SLC30A8: variants seen among roughly 807,000 people sequenced by gnomAD.
SLC30A8 encodes the protein solute carrier family 30 member 8.
A neutral mutation model predicts 36.9 loss-of-function variants in SLC30A8; 27 were observed. The observed-to-expected ratio is 0.73, with a 90% CI of 0.54 to 1.01. SLC30A8 has a LOEUF of 1.01. Ranked by LOEUF, SLC30A8 falls within the 50% of genes least tolerant of loss-of-function variation. SLC30A8 has a pLI of 0.00. For synonymous variants in SLC30A8, 164 were observed against 172.4 expected (o/e 0.95, Z 0.38); for missense variants, 439 against 452.0 (o/e 0.97, Z 0.26).
chr8:116,976,741 A>G (rs574137553), intron 1 of SLC30A8, among the ~76,000 whole-genome samples: 3 of 151,840 alleles, frequency 2.0e-5, no homozygotes, highest in East Asian at 1.9e-4. Flanking sequence ...TACAATGACT[A>G]CTTAGCAGGA....
intron 1 of SLC30A8, among the ~76,000 whole-genome samples, chr8:116,982,426 G>A (rs1057274864): frequency 6.6e-6 from 1 of 152,052 alleles, no homozygotes; most frequent in African/African-American, 2.4e-5. Flanking sequence ...AAACAACAGT[G>A]ATATTCCTAC....
intron 1 of SLC30A8, among the ~76,000 whole-genome samples, chr8:116,956,546 A>G (rs758297342): frequency 2.6e-5 from 4 of 152,224 alleles, no homozygotes; most frequent in Non-Finnish European, 4.4e-5. Flanking sequence ...TACAACGAAA[A>G]TACAATTCAT....
chr8:117,133,278 T>G (rs1379096502), upstream of SLC30A8, among the ~76,000 whole-genome samples: 2 of 151,940 alleles, frequency 1.3e-5, no homozygotes, highest in Non-Finnish European at 2.9e-5. Flanking sequence ...TTTCCCATCT[T>G]CACTTTTCCC....
chr8:116,998,435 G>A (rs1815893694), intron 1 of SLC30A8, among the ~76,000 whole-genome samples: 1 of 152,180 alleles, frequency 6.6e-6, no homozygotes, highest in Non-Finnish European at 1.5e-5. Context: ...AAAGTACCAA[G>A]AAACAGCCTT....
intron 1 of SLC30A8, among the ~76,000 whole-genome samples, chr8:116,981,875 C>G (rs908149051): frequency 6.6e-6 from 1 of 152,132 alleles, no homozygotes; most frequent in Admixed American, 6.6e-5. Context: ...CTGTGATGAA[C>G]ATATGTGTGC....
At position 117,019,265 on chromosome 8, in the gene SLC30A8, A is replaced by G. The variant is rs141432039; in HGVS notation, c.-265-19954A>G. On this transcript the variant is annotated intron_variant, in intron 1 of 10. Transcript: ENST00000427715. ...CAACGCATTTTTAAAAACTGAATCA[A>G]TGTATATAACAATGTAAACTAGTGC... is the stretch of plus-strand genomic sequence containing the variant. 7.7e-4 allele frequency among the ~76,000 whole-genome samples: 117 copies of G among 152,350 alleles called. No homozygotes were observed. The East Asian group carries it at 0.022, about 28-fold the overall frequency.
chr8:117,104,383 C>A (rs933308572), intron 2 of SLC30A8, among the ~76,000 whole-genome samples: 6 of 152,168 alleles, frequency 3.9e-5, no homozygotes, highest in African/African-American at 1.4e-4. Flanking sequence ...TACAATTCAG[C>A]CAAGTTTATT....
chr8:117,090,299 A>G (rs902178491), intron 2 of SLC30A8, among the ~76,000 whole-genome samples: 3 of 152,112 alleles, frequency 2.0e-5, no homozygotes, highest in African/African-American at 7.2e-5. Flanking sequence ...TTTATCTACT[A>G]ACTCCTCTAA....
intron 1 of SLC30A8, among the ~76,000 whole-genome samples, chr8:117,035,186 A>C (rs1817174615): frequency 6.6e-6 from 1 of 152,186 alleles, no homozygotes; most frequent in African/African-American, 2.4e-5. Flanking sequence ...TTCAGCATTA[A>C]CCCAAAAGTT....
chr8:117,146,559 T>C (rs1172886997), intron 1 of SLC30A8, among the ~76,000 whole-genome samples: 1 of 152,200 alleles, frequency 6.6e-6, no homozygotes, highest in Non-Finnish European at 1.5e-5. Context: ...CTGGCTCTTA[T>C]ACACATATCG....
intron 2 of SLC30A8, among the ~76,000 whole-genome samples, chr8:117,079,485 G>T (rs73315641): frequency 1.3e-5 from 2 of 151,930 alleles, no homozygotes; most frequent in Admixed American, 1.3e-4. Flanking sequence ...TAGCAGTGAC[G>T]TTTGATTATT....
At position 117,172,682 on chromosome 8, in the gene SLC30A8, C is replaced by A. The variant is rs1220746973; in HGVS notation, c.*1C>A. On this transcript the variant is annotated 3_prime_UTR_variant, in exon 8 of 8. Coordinates refer to ENST00000456015, the MANE Select transcript of SLC30A8 (RefSeq NM_173851.3). ...TTTCTGTGAAGACCCCTGTGACTAG[C>A]TCAGTCACACCGTCAGTTTCCCAAA... is the stretch of plus-strand genomic sequence containing the variant. 19 of 1,613,364 alleles carry A rather than the reference C, an allele frequency of 1.2e-5. No individual in the cohort carries two copies. Among genetic ancestry groups the A allele is most frequent in the Non-Finnish European group, 1.6e-5 (19 of 1,179,520 alleles).
upstream of SLC30A8, among the ~76,000 whole-genome samples, chr8:117,134,383 T>C (rs1442711230): frequency 6.6e-6 from 1 of 152,026 alleles, no homozygotes; most frequent in Non-Finnish European, 1.5e-5. Flanking sequence ...CACAAATGCC[T>C]ACTGTTTGTC....
chr8:116,976,698 G>A (rs1044210397), intron 1 of SLC30A8, among the ~76,000 whole-genome samples: 1 of 152,126 alleles, frequency 6.6e-6, no homozygotes, highest in Non-Finnish European at 1.5e-5. Flanking sequence ...CACAATGTAG[G>A]TTACCTGTTC....
At chr8:117,028,891 A>T (rs1396008428) in intron 1 of SLC30A8, among the ~76,000 whole-genome samples, 2 of 152,144 alleles carry the variant, frequency 1.3e-5, no homozygotes, top group Non-Finnish European at 2.9e-5. Context: ...GCCTCAATTT[A>T]CTAGAAAGAA....
At chr8:117,108,115 T>G (rs1239050047) in intron 2 of SLC30A8, among the ~76,000 whole-genome samples, 1 of 152,188 alleles carries the variant, frequency 6.6e-6, no homozygotes, top group Non-Finnish European at 1.5e-5. Flanking sequence ...TAATCAGCCT[T>G]GGGACACTAC....
intron 2 of SLC30A8, among the ~76,000 whole-genome samples, chr8:117,123,493 C>T (rs1361079857): frequency 6.6e-6 from 1 of 151,892 alleles, no homozygotes; most frequent in Non-Finnish European, 1.5e-5. Context: ...AATGATCATA[C>T]TTCTTGAAAT....
At chr8:117,045,965 T>C (rs1817538504) in intron 2 of SLC30A8, among the ~76,000 whole-genome samples, 4 of 151,558 alleles carry the variant, frequency 2.6e-5, no homozygotes. Context: ...TTTTTAAAAC[T>C]GACAGAAGAA....
intron 2 of SLC30A8, among the ~76,000 whole-genome samples, chr8:117,119,976 TAAGTA>T (rs1045310243): frequency 1.3e-4 from 19 of 151,922 alleles, no homozygotes; most frequent in African/African-American, 4.3e-4. Context: ...AGAAAAGACA[TAAGTA>T]AATAAAAAGA....
Sources: gnomAD v4.1 joint callset for allele counts (sites outside exome capture counted in the v4.1 genomes callset) on GRCh38, gnomAD v4.1.1 for gene constraint, MANE v1.5 for transcripts, NCBI Gene and HGNC (gene_info 2026-07-23, HGNC 2026-07-21) for gene names.